The following CENPP variants were observed in gnomAD, a reference collection of about 807,000 sequenced individuals.
CENPP encodes the protein centromere protein P.
A neutral mutation model predicts 35.6 loss-of-function variants in CENPP; 24 were observed. The observed-to-expected ratio is 0.67, with a 90% CI of 0.49 to 0.95. The LOEUF (loss-of-function observed/expected upper bound fraction) is 0.95, where lower values mean the gene tolerates loss of function less well. Ranked by LOEUF, CENPP falls within the 40% of genes least tolerant of loss-of-function variation. CENPP has a pLI of 0.00. For synonymous variants in CENPP, 120 were observed against 125.5 expected (o/e 0.96, Z 0.29); for missense variants, 332 against 345.3 (o/e 0.96, Z 0.31).
At position 92,615,716 on chromosome 9, in the gene CENPP, A is replaced by G. The variant is rs902375108; in HGVS notation, c.*2567A>G. ...GTCTCCAAGAGGCAATCCCACCTCA[A>G]AAGGGGTTAAAAGCAAAAACATTCA... is the stretch of plus-strand genomic sequence containing the variant. On this transcript the variant is annotated 3_prime_UTR_variant, in exon 8 of 8. Transcript: ENST00000375587. 1.0e-5 allele frequency: 8 copies of G among 772,188 alleles called. No individual in the cohort carries two copies. In the Admixed American group the frequency reaches 1.6e-4, roughly 16 times the overall value. 47.8% of individuals were successfully genotyped at this position (772,188 alleles called of 1,614,324 possible).
intron 5 of CENPP, among the ~76,000 whole-genome samples, chr9:92,442,275 G>A (rs1421110888): frequency 6.6e-6 from 1 of 151,540 alleles, no homozygotes; most frequent in Non-Finnish European, 1.5e-5. Flanking sequence ...GCGCATGCCT[G>A]TAATCCCAGC....
intron 5 of CENPP, among the ~76,000 whole-genome samples, chr9:92,532,016 T>TTTTTTTTTTC (rs1848808015): frequency 9.5e-6 from 1 of 105,748 alleles, no homozygotes; most frequent in Non-Finnish European, 1.8e-5. Flanking sequence ...TTATTTAATG[T>TTTTTTTTTTC]TTTTTTTTTT....
chr9:92,389,694 G>A, intron 5 of CENPP: 1 of 554,510 alleles, frequency 1.8e-6, no homozygotes, highest in South Asian at 2.7e-5. Context: ...TAGGCTGAAT[G>A]AGCCTAATAG....
In CENPP at chr9:92,528,241, G is replaced by A. The variant is rs556036053; in HGVS notation, c.565-83073G>A. ...CAGTCCAGGCCAGTGATCCCTGAAAGGGGATGCAAATCAAATGCCCGGAGA... is the reference window on the plus strand; with the variant it reads ...CAGTCCAGGCCAGTGATCCCTGAAAAGGGATGCAAATCAAATGCCCGGAGA... On this transcript the variant is annotated intron_variant, in intron 5 of 7. Coordinates refer to ENST00000375587, the MANE Select transcript of CENPP (RefSeq NM_001012267.3). 1.8e-4 allele frequency among the ~76,000 whole-genome samples: 27 copies of A among 152,304 alleles called. No homozygotes were observed. In the East Asian group the frequency reaches 5.0e-3, roughly 28 times the overall value.
At chr9:92,579,574 G>C (rs914090002) in intron 5 of CENPP, among the ~76,000 whole-genome samples, 24 of 152,098 alleles carry the variant, frequency 1.6e-4, no homozygotes, top group South Asian at 4.2e-4. Context: ...TTGTGAATGG[G>C]AGTTCACTCA....
chr9:92,384,868 T>G (rs894423451), intron 5 of CENPP: 4 of 152,464 alleles, frequency 2.6e-5, no homozygotes, highest in Admixed American at 2.0e-4. Context: ...TTTCATTATT[T>G]CTTATAAGCA....
At chr9:92,503,561 C>T (rs1360614988) in intron 5 of CENPP, among the ~76,000 whole-genome samples, 1 of 152,206 alleles carries the variant, frequency 6.6e-6, no homozygotes, top group East Asian at 1.9e-4. Context: ...TTTTTAATAG[C>T]TAGCTGCCTT....
rs1455381291 is a variant in CENPP, at chr9:92,616,559, T to C, written c.*3410T>C. On this transcript the variant is annotated 3_prime_UTR_variant, in exon 8 of 8. Coordinates refer to ENST00000375587, the MANE Select transcript of CENPP (RefSeq NM_001012267.3). ...GACAAGCCTTCTTCTTTGCCTCTCC[T>C]GTCTGCTGAGAAACGCAAGCTCCTT... 6.5e-6 allele frequency: 1 copy of C among 154,850 alleles called. No homozygotes were observed. Among genetic ancestry groups the C allele is most frequent in the Non-Finnish European group, 1.4e-5 (1 of 69,804 alleles). 9.6% of individuals were successfully genotyped at this position (154,850 alleles called of 1,614,324 possible). A position where few individuals can be genotyped will look rare whatever the true frequency, so the allele number is the denominator to read the frequency against.
intron 5 of CENPP, chr9:92,393,234 C>A: frequency 6.4e-7 from 1 of 1,566,110 alleles, no homozygotes. Context: ...ACAGCAGACA[C>A]GTGGGCATTT....
In CENPP at chr9:92,495,637, G is replaced by A. The variant is rs1236831089; in HGVS notation, c.565-115677G>A. On this transcript the variant is annotated intron_variant, in intron 5 of 7. Transcript: ENST00000375587. ...AAAATAATTTTAGAATTATAGAAAA[G>A]TTTCAAAAAGAGTATAGAATTTATG... The A allele has an allele frequency of 7.5e-6, 7 of 934,522 alleles. No homozygotes were observed. The East Asian group carries it at 8.2e-4, about 109-fold the overall frequency. 57.9% of individuals were successfully genotyped at this position (934,522 alleles called of 1,614,324 possible).
intron 5 of CENPP, among the ~76,000 whole-genome samples, chr9:92,606,630 G>T (rs916262225): frequency 6.6e-6 from 1 of 152,196 alleles, no homozygotes; most frequent in Admixed American, 6.5e-5. Context: ...AAAGGGCAAG[G>T]CACAGTGGCT....
chr9:92,455,731 G>A (rs1844854415), intron 5 of CENPP, among the ~76,000 whole-genome samples: 1 of 152,132 alleles, frequency 6.6e-6, no homozygotes, highest in Non-Finnish European at 1.5e-5. Context: ...ATTACATGGT[G>A]TATTGTTATT....
At chr9:92,524,524 G>C (rs571022913) in intron 5 of CENPP, among the ~76,000 whole-genome samples, 1 of 152,238 alleles carries the variant, frequency 6.6e-6, no homozygotes, top group African/African-American at 2.4e-5. Flanking sequence ...ACAAAGGAAG[G>C]TTGGCAGTTT....
intron 5 of CENPP, among the ~76,000 whole-genome samples, chr9:92,608,522 C>G (rs1022436196): frequency 2.0e-5 from 3 of 152,198 alleles, no homozygotes; most frequent in African/African-American, 4.8e-5. Context: ...CTAATGATCT[C>G]AAGCCCACTC....
intron 5 of CENPP, chr9:92,415,159 T>G (rs1843551608): frequency 6.2e-7 from 1 of 1,602,804 alleles, no homozygotes; most frequent in African/African-American, 1.3e-5. Flanking sequence ...TTGCTATTCT[T>G]GATTTTCATA....
At chr9:92,355,495 TG>T (rs1841567340) in intron 4 of CENPP, among the ~76,000 whole-genome samples, 1 of 152,110 alleles carries the variant, frequency 6.6e-6, no homozygotes, top group African/African-American at 2.4e-5. Flanking sequence ...AATAATGACA[TG>T]GAAGGTTTCT....
In CENPP at chr9:92,460,438, G is replaced by A. The variant is rs1334456973; in HGVS notation, c.564+80579G>A. ...GGGTCCCTGTGCACATTCTCCAGGA[G>A]GTATCATTCTAAGTTAAAATTTTGG... On this transcript the variant is annotated intron_variant, in intron 5 of 7. Transcript: ENST00000375587. 6 of 1,255,280 alleles carry A rather than the reference G, an allele frequency of 4.8e-6. No homozygotes were observed. The South Asian group carries it at 6.1e-5, about 13-fold the overall frequency. 77.8% of individuals were successfully genotyped at this position (1,255,280 alleles called of 1,614,324 possible). A position where few individuals can be genotyped will look rare whatever the true frequency, so the allele number is the denominator to read the frequency against.
chr9:92,431,656 C>T (rs1010747820), intron 5 of CENPP, among the ~76,000 whole-genome samples: 2 of 152,130 alleles, frequency 1.3e-5, no homozygotes, highest in African/African-American at 4.8e-5. Context: ...CTCACTGCAA[C>T]CTCTGCCTCC....
At chr9:92,357,142 T>C (rs1841610141) in intron 4 of CENPP, among the ~76,000 whole-genome samples, 1 of 152,162 alleles carries the variant, frequency 6.6e-6, no homozygotes, top group Non-Finnish European at 1.5e-5. Flanking sequence ...AAACTATTGT[T>C]GCAAAAATAC....
Sources: gnomAD v4.1 joint callset for allele counts (sites outside exome capture counted in the v4.1 genomes callset) on GRCh38, gnomAD v4.1.1 for gene constraint, MANE v1.5 for transcripts, NCBI Gene and HGNC (gene_info 2026-07-23, HGNC 2026-07-21) for gene names.